Variants in RPRD2 observed in about 807,000 individuals in gnomAD.
The protein encoded by RPRD2 is regulation of nuclear pre-mRNA domain containing 2, also known as regulation of nuclear pre-mRNA domain-containing protein 2.
RPRD2 carries 12 observed loss-of-function variants against 104.4 expected under a neutral mutation model. That is an observed-to-expected ratio of 0.11 (90% CI 0.07 to 0.19). The LOEUF (loss-of-function observed/expected upper bound fraction) is 0.19, where lower values mean the gene tolerates loss of function less well. Among genes scored for constraint, RPRD2 ranks in the 10% least tolerant of loss-of-function variants. The pLI is 1.00. For synonymous variants in RPRD2, 714 were observed against 684.9 expected, an observed-to-expected ratio of 1.04 and a Z score of -0.66; for missense variants, 1,543 against 1,790.1, an observed-to-expected ratio of 0.86 and a Z score of 2.49.
chr1:150,386,566 C>A (rs1560157275), intron 1 of RPRD2, among the ~76,000 whole-genome samples: 1 of 152,112 alleles, frequency 6.6e-6, no homozygotes, highest in Non-Finnish European at 1.5e-5. Context: ...ATTGAGCAGT[C>A]CAACTTTTTT....
intron 8 of RPRD2, among the ~76,000 whole-genome samples, chr1:150,458,744 A>G (rs587753590): frequency 3.3e-5 from 5 of 152,110 alleles, no homozygotes; most frequent in East Asian, 1.9e-4. Context: ...CGTTCAAACA[A>G]TTCTCCTGCC....
chr1:150,391,270 A>C (rs1662042688), intron 1 of RPRD2, among the ~76,000 whole-genome samples: 1 of 152,104 alleles, frequency 6.6e-6, no homozygotes, highest in Non-Finnish European at 1.5e-5. Context: ...ATAAAGACAA[A>C]AGCTAGAAAC....
chr1:150,458,704 A>G (rs1251330526), intron 8 of RPRD2, among the ~76,000 whole-genome samples: 2 of 152,100 alleles, frequency 1.3e-5, no homozygotes, highest in East Asian at 1.9e-4. Context: ...CAGTTGCGCA[A>G]TCTTGGCTCA....
intron 1 of RPRD2, among the ~76,000 whole-genome samples, chr1:150,371,490 AGT>A (rs1491270888): frequency 6.6e-6 from 1 of 151,830 alleles, no homozygotes; most frequent in African/African-American, 2.4e-5. Context: ...CAGCCTCCTG[AGT>A]AGCTGGTAGC....
intron 1 of RPRD2, among the ~76,000 whole-genome samples, chr1:150,395,365 T>TTG (rs10524632): frequency 0.083 from 11,938 of 144,120 alleles, 592 homozygotes; most frequent in East Asian, 0.27. Flanking sequence ...TAGTATTCCA[T>TTG]TGTGTGTGTG....
rs1310379119 is a variant in RPRD2 at position 150,475,206 on chromosome 1, T to C, written c.*1872T>C. 2.0e-5 allele frequency: 3 copies of C among 152,142 alleles called. No individual in the cohort carries two copies. Among genetic ancestry groups the C allele is most frequent in the African/African-American group, 7.2e-5 (3 of 41,406 alleles). The allele number at this position is 152,142 out of a possible 1,614,324, so 9.4% of individuals were successfully genotyped here. On this transcript the variant is annotated 3_prime_UTR_variant, in exon 11 of 11. Transcript: ENST00000369068. ...GCAAAGAAAAGAAAGTATAGTTATATTGAGTCCTAAGACATTTGTTAGGGA... is the reference window on the plus strand; with the variant it reads ...GCAAAGAAAAGAAAGTATAGTTATACTGAGTCCTAAGACATTTGTTAGGGA...
rs776801331 is a variant in RPRD2 at position 150,472,365 on chromosome 1, C to G, written c.3417C>G (p.Asp1139Glu). 3 of 1,613,862 alleles carry G rather than the reference C, an allele frequency of 1.9e-6. No homozygotes were observed. The African/African-American group carries it at 4.0e-5, about 22-fold the overall frequency. Residue 1139 changes from aspartate to glutamate, a missense_variant, in exon 11 of 11, where the codon GAC becomes GAG. Asp to Glu is a conservative substitution (Grantham distance 45, BLOSUM62 2). This residue lies in a region of RPRD2 where 880 missense variants were observed against 885.6 expected (regional missense o/e 0.99). Transcript: ENST00000369068. ...TGAGCACATCAGGTAGCTCTTTTGA[C>G]AATGGCCCTTCAAGTGCCTCTGAGT... is the stretch of plus-strand genomic sequence containing the variant. ...FDLSTSGSSF[D>E]NGPSSASELA...
At chr1:150,381,213 A>G (rs1661101311) in intron 1 of RPRD2, among the ~76,000 whole-genome samples, 1 of 151,592 alleles carries the variant, frequency 6.6e-6, no homozygotes, top group African/African-American at 2.4e-5. Flanking sequence ...GCTTGAGTCC[A>G]GGAGTTGGAG....
chr1:150,404,883 T>A (rs184903609), intron 1 of RPRD2, among the ~76,000 whole-genome samples: 140 of 152,346 alleles, frequency 9.2e-4, no homozygotes, highest in African/African-American at 3.2e-3. Flanking sequence ...TGCATGTCTC[T>A]CCATTATTAC....
intron 1 of RPRD2, among the ~76,000 whole-genome samples, chr1:150,366,804 T>A (rs782172410): frequency 8.5e-5 from 13 of 152,198 alleles, no homozygotes; most frequent in Non-Finnish European, 1.9e-4. Context: ...TTTTAAAACA[T>A]TTTTACTGAC....
chr1:150,402,791 AC>A (rs1663149190), intron 1 of RPRD2, among the ~76,000 whole-genome samples: 1 of 152,036 alleles, frequency 6.6e-6, no homozygotes, highest in African/African-American at 2.4e-5. Flanking sequence ...ACATGGAGAA[AC>A]CCCGTCTCTA....
chr1:150,389,405 G>T (rs1261846026), intron 1 of RPRD2, among the ~76,000 whole-genome samples: 1 of 152,176 alleles, frequency 6.6e-6, no homozygotes, highest in Non-Finnish European at 1.5e-5. Flanking sequence ...GTCCCTCAAT[G>T]TGGGTTTGTC....
intron 2 of RPRD2, among the ~76,000 whole-genome samples, chr1:150,420,452 A>G (rs1312401575): frequency 1.3e-5 from 2 of 152,232 alleles, no homozygotes; most frequent in African/African-American, 4.8e-5. Flanking sequence ...TGATGAAACA[A>G]AGCATTCCAA....
At chr1:150,448,048 AC>A (rs1666910693) in intron 7 of RPRD2, among the ~76,000 whole-genome samples, 1 of 152,134 alleles carries the variant, frequency 6.6e-6, no homozygotes, top group African/African-American at 2.4e-5. Flanking sequence ...CTATTTTTTG[AC>A]CATTAACACT....
intron 1 of RPRD2, among the ~76,000 whole-genome samples, chr1:150,400,869 T>C (rs1662930868): frequency 1.3e-5 from 2 of 152,008 alleles, no homozygotes; most frequent in Admixed American, 1.3e-4. Flanking sequence ...GAGCCTTTCA[T>C]AGTACTTTTT....
chr1:150,456,516 C>T (rs1553897594), intron 7 of RPRD2, among the ~76,000 whole-genome samples: 1 of 151,870 alleles, frequency 6.6e-6, no homozygotes, highest in Non-Finnish European at 1.5e-5. Context: ...GCCTGCAATC[C>T]TAGCATTTTG....
intron 1 of RPRD2, among the ~76,000 whole-genome samples, chr1:150,381,795 C>T (rs1326306922): frequency 6.6e-6 from 1 of 152,028 alleles, no homozygotes; most frequent in African/African-American, 2.4e-5. Context: ...TGAGCCACCG[C>T]GCCCGGCCAC....
intron 1 of RPRD2, among the ~76,000 whole-genome samples, chr1:150,409,350 A>G (rs1202749259): frequency 6.6e-6 from 1 of 152,066 alleles, no homozygotes; most frequent in African/African-American, 2.4e-5. Flanking sequence ...TGTTAGCCAA[A>G]CTGAATAGAG....
intron 1 of RPRD2, among the ~76,000 whole-genome samples, chr1:150,368,168 C>T (rs1659981177): frequency 2.0e-5 from 3 of 148,488 alleles, no homozygotes; most frequent in South Asian, 2.1e-4. Flanking sequence ...CAACTATTAC[C>T]TCCTCAGAAA....
Sources: gnomAD v4.1 joint callset for allele counts (sites outside exome capture counted in the v4.1 genomes callset) on GRCh38, gnomAD v4.1.1 for gene constraint, gnomAD v4.1.1 regional missense constraint, MANE v1.5 for transcripts, NCBI Gene and HGNC (gene_info 2026-07-23, HGNC 2026-07-21) for gene names.